Variants in CTNNA3 observed in about 807,000 individuals in gnomAD.
CTNNA3 encodes catenin alpha 3.
A neutral mutation model predicts 95.7 loss-of-function variants in CTNNA3; 76 were observed. That is an observed-to-expected ratio of 0.79 (90% CI 0.66 to 0.96). CTNNA3 has a LOEUF of 0.96. CTNNA3 is among the 40% of genes least tolerant of loss of function. The pLI is 0.00. For synonymous variants in CTNNA3, 431 were observed against 374.4 expected, an observed-to-expected ratio of 1.15 and a Z score of -1.74; for missense variants, 1,191 against 1,089.8, an observed-to-expected ratio of 1.09 and a Z score of -1.31.
intron 10 of CTNNA3, among the ~76,000 whole-genome samples, chr10:66,554,725 C>G (rs574660934): frequency 5.3e-5 from 8 of 152,080 alleles, no homozygotes; most frequent in African/African-American, 1.9e-4. Flanking sequence ...ATATCACTTT[C>G]TATAAATTAC....
chr10:66,675,293 C>A (rs925629160), intron 9 of CTNNA3, among the ~76,000 whole-genome samples: 1 of 151,706 alleles, frequency 6.6e-6, no homozygotes, highest in Non-Finnish European at 1.5e-5. Context: ...TGATGTTACC[C>A]TTCCTATTTT....
At chr10:67,012,029 G>A (rs80049472) in intron 7 of CTNNA3, among the ~76,000 whole-genome samples, 12,636 of 152,164 alleles carry the variant, frequency 0.083, 766 homozygotes, top group South Asian at 0.27. Flanking sequence ...AATATATGAG[G>A]AAACAGAAAC....
intron 5 of CTNNA3, among the ~76,000 whole-genome samples, chr10:67,278,428 C>T (rs186072142): frequency 3.4e-3 from 515 of 152,106 alleles, no homozygotes; most frequent in Non-Finnish European, 5.2e-3. Flanking sequence ...TTCAGAAAGG[C>T]GGGACAACTC....
chr10:66,675,477 A>C (rs1258637521), intron 9 of CTNNA3, among the ~76,000 whole-genome samples: 2 of 152,034 alleles, frequency 1.3e-5, no homozygotes, highest in Admixed American at 1.3e-4. Context: ...ATGGCAGTTG[A>C]GTTAGTCGAG....
At chr10:67,205,760 T>C (rs1727004181) in intron 6 of CTNNA3, among the ~76,000 whole-genome samples, 1 of 152,098 alleles carries the variant, frequency 6.6e-6, no homozygotes, top group East Asian at 1.9e-4. Flanking sequence ...AAGGTAAGGA[T>C]AAATACAGAT....
intron 12 of CTNNA3, among the ~76,000 whole-genome samples, chr10:66,286,074 TG>T (rs1416416522): frequency 6.6e-6 from 1 of 152,062 alleles, no homozygotes; most frequent in Non-Finnish European, 1.5e-5. Flanking sequence ...TCCTAGTAGA[TG>T]TTTTTTGGTG....
At chr10:67,559,059 G>C (rs1841372371) in intron 3 of CTNNA3, among the ~76,000 whole-genome samples, 1 of 152,238 alleles carries the variant, frequency 6.6e-6, no homozygotes, top group African/African-American at 2.4e-5. Flanking sequence ...TCTGGGGGCA[G>C]GGCACAGACA....
At chr10:67,623,226 G>A (rs1435359557) in intron 2 of CTNNA3, among the ~76,000 whole-genome samples, 1 of 152,140 alleles carries the variant, frequency 6.6e-6, no homozygotes, top group Non-Finnish European at 1.5e-5. Flanking sequence ...AACAAAACTT[G>A]AACTGTTTTC....
chr10:66,401,612 T>G (rs916872293), intron 11 of CTNNA3, among the ~76,000 whole-genome samples: 2 of 151,896 alleles, frequency 1.3e-5, no homozygotes, highest in African/African-American at 2.4e-5. Context: ...GAATTTTGAT[T>G]TTACTTTTGC....
At chr10:67,464,841 A>T (rs1847522570) in intron 5 of CTNNA3, among the ~76,000 whole-genome samples, 1 of 151,404 alleles carries the variant, frequency 6.6e-6, no homozygotes, top group African/African-American at 2.4e-5. Flanking sequence ...GTTTCTTATC[A>T]TCCTCTTCAA....
At chr10:66,731,568 C>T (rs575680874) in intron 9 of CTNNA3, among the ~76,000 whole-genome samples, 172 of 152,294 alleles carry the variant, frequency 1.1e-3, no homozygotes, top group African/African-American at 4.0e-3. Flanking sequence ...CCTACAACCA[C>T]ATTTTTGTTT....
chr10:67,635,683 A>G (rs1195815568), intron 2 of CTNNA3, among the ~76,000 whole-genome samples: 2 of 152,030 alleles, frequency 1.3e-5, no homozygotes, highest in African/African-American at 4.8e-5. Flanking sequence ...AAAAATAACC[A>G]TCTATGACAA....
intron 9 of CTNNA3, among the ~76,000 whole-genome samples, chr10:66,748,354 T>C (rs1273199036): frequency 6.6e-6 from 1 of 152,198 alleles, no homozygotes; most frequent in Non-Finnish European, 1.5e-5. Context: ...TCCTTGCCAA[T>C]GTAGTTAAAA....
At chr10:67,321,931 T>A (rs1841334008) in intron 5 of CTNNA3, among the ~76,000 whole-genome samples, 1 of 152,118 alleles carries the variant, frequency 6.6e-6, no homozygotes, top group Admixed American at 6.5e-5. Context: ...CATATTAATA[T>A]TTATTTTTCA....
At chr10:66,703,207 A>T (rs1487596039) in intron 9 of CTNNA3, among the ~76,000 whole-genome samples, 1 of 152,084 alleles carries the variant, frequency 6.6e-6, no homozygotes, top group African/African-American at 2.4e-5. Context: ...TTGTGCCAGG[A>T]GTGTACTACT....
chr10:66,964,178 C>T (rs139746605), intron 7 of CTNNA3, among the ~76,000 whole-genome samples: 8 of 151,956 alleles, frequency 5.3e-5, no homozygotes, highest in African/African-American at 1.9e-4. Flanking sequence ...ACAGTAACAT[C>T]GTAGGAAAAA....
In CTNNA3 at chr10:66,108,617, T is replaced by G. The variant is rs116119388; in HGVS notation, c.1885-5368A>C. ...TTTTCTCTTCATTTTTTTCCTTTTT[T>G]TGGCAGGTGGGTTACATTTTTTATT... On this transcript the variant is annotated intron_variant, in intron 13 of 17. Transcript: ENST00000433211. 2.8e-3 allele frequency among the ~76,000 whole-genome samples: 428 copies of G among 152,312 alleles called. 5 individuals are homozygous for G. The highest frequency in any genetic ancestry group is 9.8e-3 in the African/African-American group (406 of 41,580).
intron 11 of CTNNA3, among the ~76,000 whole-genome samples, chr10:66,501,816 A>G (rs2131965970): frequency 6.6e-6 from 1 of 152,302 alleles, no homozygotes; most frequent in Admixed American, 6.5e-5. Flanking sequence ...AATGTCTGTC[A>G]TGCAGATTTG....
intron 7 of CTNNA3, among the ~76,000 whole-genome samples, chr10:66,942,338 G>A (rs71496023): frequency 4.5e-3 from 678 of 152,188 alleles, no homozygotes; most frequent in Admixed American, 0.013. Context: ...GGATCTACCA[G>A]CAATTTGCAA....
Sources: allele counts gnomAD v4.1 joint callset (sites outside exome capture counted in the v4.1 genomes callset), GRCh38; gene constraint gnomAD v4.1.1; transcripts MANE v1.5; gene names NCBI Gene and HGNC (gene_info 2026-07-23, HGNC 2026-07-21).